TBCD: variants seen among roughly 807,000 people sequenced by gnomAD.
TBCD encodes the protein tubulin folding cofactor D.
A neutral mutation model predicts 169.3 loss-of-function variants in TBCD; 105 were observed. The ratio of observed to expected loss-of-function variants is 0.62; its 90% CI spans 0.53 to 0.73. The LOEUF (loss-of-function observed/expected upper bound fraction) is 0.73, where lower values mean the gene tolerates loss of function less well. Among genes scored for constraint, TBCD ranks in the 30% least tolerant of loss-of-function variants. TBCD has a pLI of 0.00. For missense variants in TBCD, 1,444 were observed against 1,600.1 expected, an observed-to-expected ratio of 0.90 and a Z score of 1.66; for synonymous variants, 700 against 643.9, an observed-to-expected ratio of 1.09 and a Z score of -1.32.
In TBCD at chr17:82,806,372, A is replaced by G. The variant is rs2050961974; in HGVS notation, c.1087+361A>G. On this transcript the variant is annotated intron_variant, in intron 10 of 38. Coordinates refer to ENST00000355528, the MANE Select transcript of TBCD (RefSeq NM_005993.5). This position sits in a 1 kb window ranked among gnomAD's most constrained non-coding sequence, Gnocchi z 5.1. Reference sequence around the variant, plus strand: ...GCTCCTTGGCCCCTAAACCCTGCTCAGTTCCTTACCTCAGGAGCCATTTCA... The same window carrying G: ...GCTCCTTGGCCCCTAAACCCTGCTCGGTTCCTTACCTCAGGAGCCATTTCA... 1.3e-5 allele frequency among the ~76,000 whole-genome samples: 2 copies of G among 152,076 alleles called. No homozygotes were observed. The highest frequency in any genetic ancestry group is 1.5e-5 in the Non-Finnish European group (1 of 68,002).
chr17:82,876,872 C>T (rs544311197), intron 14 of TBCD: 6 of 661,860 alleles, frequency 9.1e-6, no homozygotes, highest in East Asian at 1.4e-4. Flanking sequence ...TGAGTACTGC[C>T]GGGAGAGGGA....
chr17:82,786,643 C>CT (rs990598575), intron 7 of TBCD, among the ~76,000 whole-genome samples: 1 of 152,062 alleles, frequency 6.6e-6, no homozygotes, highest in African/African-American at 2.4e-5. Context: ...TCTGGCCAGG[C>CT]TGGCTGTGGG....
intron 7 of TBCD, among the ~76,000 whole-genome samples, chr17:82,790,579 G>A (rs917163597): frequency 7.2e-5 from 11 of 152,166 alleles, no homozygotes; most frequent in Non-Finnish European, 1.3e-4. Context: ...CCGTCCTCAT[G>A]CTTGTTTCTG....
chr17:82,887,467 T>C (rs1368577091), intron 15 of TBCD, among the ~76,000 whole-genome samples: 1 of 152,120 alleles, frequency 6.6e-6, no homozygotes, highest in Admixed American at 6.5e-5. Flanking sequence ...ACCCCGAGCG[T>C]GGTGGGTGGT....
At chr17:82,869,575 C>G (rs1259758478) in intron 13 of TBCD, among the ~76,000 whole-genome samples, 4 of 152,196 alleles carry the variant, frequency 2.6e-5, no homozygotes, top group Non-Finnish European at 5.9e-5. Flanking sequence ...TACCCATTAA[C>G]CCACTTTTGA....
intron 2 of TBCD, among the ~76,000 whole-genome samples, chr17:82,762,041 C>T (rs536572461): frequency 1.7e-4 from 25 of 151,472 alleles, no homozygotes; most frequent in African/African-American, 4.6e-4. Flanking sequence ...GAGTTGTTTC[C>T]GGTTTTTGGC....
Position 82,921,510 on chromosome 17 carries a change from A to G in TBCD, c.2111A>G (p.Gln704Arg), listed in dbSNP as rs372379384. The change falls in exon 25 of 39, where the codon CAA becomes CGA. Residue 704 changes from glutamine to arginine, a missense_variant. Gln to Arg is a conservative substitution (Grantham distance 43). Coordinates refer to ENST00000355528, the MANE Select transcript of TBCD (RefSeq NM_005993.5). ...FRGDTVIDGW[Q>R]WLINDTLRHL... is the part of the protein sequence containing the mutation. ...CTTGATTTTTTGACAGATGGTTGGC[A>G]ATGGCTGATAAATGACACTTTGAGA... The G allele has an allele frequency of 5.0e-6, 8 of 1,613,932 alleles. No individual in the cohort carries two copies. Among genetic ancestry groups the G allele is most frequent in the Non-Finnish European group, 6.8e-6 (8 of 1,179,896 alleles).
rs1489558500 is a variant in TBCD at position 82,922,229 on chromosome 17, C to T, written c.2178+652C>T. On this transcript the variant is annotated intron_variant, in intron 25 of 38. Coordinates refer to ENST00000355528, the MANE Select transcript of TBCD (RefSeq NM_005993.5). This position sits in a 1 kb window ranked among gnomAD's most constrained non-coding sequence, Gnocchi z 4.1. ...TACAAAAATTAGCGGGGCGAGGTGG[C>T]GCGTGCCTGTAATCCCAGCTACTCA... 6.6e-6 allele frequency among the ~76,000 whole-genome samples: 1 copy of T among 152,124 alleles called. No individual in the cohort carries two copies. Among genetic ancestry groups the T allele is most frequent in the Non-Finnish European group, 1.5e-5 (1 of 68,014 alleles).
intron 14 of TBCD, among the ~76,000 whole-genome samples, chr17:82,883,143 C>T (rs1261664994): frequency 1.3e-5 from 2 of 152,264 alleles, no homozygotes; most frequent in Non-Finnish European, 2.9e-5. Context: ...TTCATGTTGA[C>T]GCGGGCCCCG....
chr17:82,828,066 C>A (rs1169382996), intron 13 of TBCD, among the ~76,000 whole-genome samples: 1 of 150,166 alleles, frequency 6.7e-6, no homozygotes, highest in African/African-American at 2.5e-5. Context: ...CAGATACGCA[C>A]ATGTGCACAT....
In TBCD at chr17:82,830,007, G is replaced by T; in HGVS notation, c.1318+15073G>T. The T allele has an allele frequency of 4.3e-6, 6 of 1,390,934 alleles. No individual in the cohort carries two copies. In the Admixed American group the frequency reaches 6.4e-5, roughly 15 times the overall value. 86.2% of individuals were successfully genotyped at this position (1,390,934 alleles called of 1,614,324 possible). A position where few individuals can be genotyped will look rare whatever the true frequency, so the allele number is the denominator to read the frequency against. The stretch of plus-strand genomic sequence containing the variant: ...GAATTGGAGGGTTTTTTGTTTGTTT[G>T]TTTGTTTGTTTTTTTGAGAAGCAGC... On this transcript the variant is annotated intron_variant, in intron 13 of 38. Coordinates refer to ENST00000355528, the MANE Select transcript of TBCD (RefSeq NM_005993.5).
Position 82,789,390 on chromosome 17 carries a change from A to G in TBCD, c.771+7669A>G, listed in dbSNP as rs1598500156. Among the ~76,000 whole-genome samples, 1 of 152,360 alleles carries G rather than the reference A, an allele frequency of 6.6e-6. No homozygotes were observed. On this transcript the variant is annotated intron_variant, in intron 7 of 38. Coordinates refer to ENST00000355528, the MANE Select transcript of TBCD (RefSeq NM_005993.5). The surrounding 1 kb of genome is among the most constrained non-coding windows in gnomAD (Gnocchi z 4.8). ...GACCTGCTCACAGACGTGTGCTCAC[A>G]GGCAGCCCGTCGCGGGGTCATGTGC...
chr17:82,814,442 G>A (rs1164588170), intron 12 of TBCD, among the ~76,000 whole-genome samples: 3 of 152,260 alleles, frequency 2.0e-5, no homozygotes, highest in African/African-American at 7.2e-5. Flanking sequence ...CGGGAGATCT[G>A]AAGAGGCCCT....
At chr17:82,776,372 G>C (rs994613541) in intron 6 of TBCD, among the ~76,000 whole-genome samples, 1 of 152,172 alleles carries the variant, frequency 6.6e-6, no homozygotes, top group African/African-American at 2.4e-5. Context: ...TTGCGCCACT[G>C]CATTCCAGCC....
At chr17:82,824,374 G>A (rs2052665364) in intron 13 of TBCD, among the ~76,000 whole-genome samples, 1 of 151,942 alleles carries the variant, frequency 6.6e-6, no homozygotes, top group Admixed American at 6.6e-5. Flanking sequence ...TAGTAGAGAT[G>A]GAGTTTTATC....
intron 13 of TBCD, among the ~76,000 whole-genome samples, chr17:82,866,196 G>C (rs1018287938): frequency 1.3e-5 from 2 of 152,122 alleles, no homozygotes; most frequent in Non-Finnish European, 2.9e-5. Context: ...GGCTGTCAAG[G>C]CTGGCCTGTC....
Position 82,923,596 on chromosome 17 carries a change from C to T in TBCD, c.2179-56C>T. 7.0e-7 allele frequency: 1 copy of T among 1,431,884 alleles called. No individual in the cohort carries two copies. Among genetic ancestry groups the T allele is most frequent in the Non-Finnish European group, 9.6e-7 (1 of 1,042,718 alleles). The allele number at this position is 1,431,884 out of a possible 1,614,324, so 88.7% of individuals were successfully genotyped here. The stretch of plus-strand genomic sequence containing the variant: ...TCAGAGTGACCTGCTCTGTCCCTGG[C>T]CGGGGGCTTCTCCGAGCAGAGCTGC... On this transcript the variant is annotated intron_variant, in intron 25 of 38. Coordinates refer to ENST00000355528, the MANE Select transcript of TBCD (RefSeq NM_005993.5). The surrounding 1 kb of genome is among the most constrained non-coding windows in gnomAD (Gnocchi z 4.6).
At position 82,871,169 on chromosome 17, in the gene TBCD, C is replaced by T. The variant is rs80351902; in HGVS notation, c.1475+789C>T. Among the ~76,000 whole-genome samples the T allele has an allele frequency of 7.3e-3, 1,105 of 152,156 alleles. 9 individuals carry two copies. Among genetic ancestry groups the T allele is most frequent in the African/African-American group, 0.025 (1,047 of 41,498 alleles). On this transcript the variant is annotated intron_variant, in intron 14 of 38. Transcript: ENST00000355528. The stretch of plus-strand genomic sequence containing the variant: ...CCAGTGCGCGCACCCAGCTGAGCCC[C>T]GTAGTGGTGTCCTGTGCCAGGGACT...
intron 13 of TBCD, among the ~76,000 whole-genome samples, chr17:82,850,520 G>T: frequency 9.8e-6 from 1 of 101,662 alleles, no homozygotes; most frequent in African/African-American, 3.0e-5. Flanking sequence ...CTGTGCTGTT[G>T]TTGGCTGTGC....
Sources: gnomAD v4.1 joint callset for allele counts (sites outside exome capture counted in the v4.1 genomes callset) on GRCh38, gnomAD v4.1.1 for gene constraint, Gnocchi (gnomAD v3.1) non-coding constraint, MANE v1.5 for transcripts, NCBI Gene and HGNC (gene_info 2026-07-23, HGNC 2026-07-21) for gene names.